HS3ST6: variants seen among roughly 807,000 people sequenced by gnomAD.
HS3ST6 encodes heparan sulfate-glucosamine 3-sulfotransferase 6.
A neutral mutation model predicts 11.0 loss-of-function variants in HS3ST6; 13 were observed. The ratio of observed to expected loss-of-function variants is 1.18; its 90% CI spans 0.77 to 1.88. The LOEUF is 1.88. Ranked by LOEUF, HS3ST6 falls within the 40% of genes most tolerant of loss-of-function variation. The pLI is 0.00. For missense variants in HS3ST6, 541 were observed against 494.4 expected (o/e 1.09, Z -0.89); for synonymous variants, 232 against 230.6 (o/e 1.01, Z -0.06).
chr16:1,918,156 G>A lies in HS3ST6; in HGVS notation c.168C>T (p.Arg56=). Residue 56 remains arginine, a synonymous_variant, in exon 1 of 2, where the codon CGC becomes CGT. Transcript: ENST00000454677. This position sits in a 1 kb window ranked among gnomAD's most constrained non-coding sequence, Gnocchi z 6.0. ...AGGGCGCGGGGGCCGGCGCGGGGGCGCGGGCGGCCGGCGGGCAGCGGCCGG... is the reference window on the plus strand; with the variant it reads ...AGGGCGCGGGGGCCGGCGCGGGGGCACGGGCGGCCGGCGGGCAGCGGCCGG... ...ALPGRCPPAA[R]APAPAPAPSE... 1.7e-6 allele frequency: 2 copies of A among 1,155,448 alleles called. No homozygotes were observed. The highest frequency in any genetic ancestry group is 3.6e-4 in the Middle Eastern group (1 of 2,802). The allele number at this position is 1,155,448 out of a possible 1,614,324, so 71.6% of individuals were successfully genotyped here. A position where few individuals can be genotyped will look rare whatever the true frequency, so the allele number is the denominator to read the frequency against.
chr16:1,912,137 C>G lies in HS3ST6; in HGVS notation c.482G>C (p.Arg161Pro). 6.7e-7 allele frequency: 1 copy of G among 1,491,562 alleles called. No individual in the cohort carries two copies. Among genetic ancestry groups the G allele is most frequent in the Non-Finnish European group, 8.9e-7 (1 of 1,122,018 alleles). 92.4% of individuals were successfully genotyped at this position (1,491,562 alleles called of 1,614,324 possible). A position where few individuals can be genotyped will look rare whatever the true frequency, so the allele number is the denominator to read the frequency against. The change falls in exon 2 of 2, where the codon CGA (arginine) becomes CCA (proline). Residue 161 changes from arginine (R) to proline (P), a missense_variant. Coordinates refer to ENST00000454677, the MANE Select transcript of HS3ST6 (RefSeq NM_001009606.4). The surrounding 1 kb of genome is among the most constrained non-coding windows in gnomAD (Gnocchi z 5.6). ...GGCGTGGATGCGGCGGGGGGCCTCT[C>G]GCGTCACGAAGTAGCTGGGGGTCTT... The part of the protein sequence containing the change: ...MEKTPSYFVT[R>P]EAPRRIHAMS...
At position 1,911,776 on chromosome 16, in the gene HS3ST6, G is replaced by A. The variant is rs1397566285; in HGVS notation, c.843C>T (p.Asn281=). The A allele has an allele frequency of 5.0e-6, 8 of 1,613,736 alleles. No homozygotes were observed. Among genetic ancestry groups the A allele is most frequent in the South Asian group, 1.1e-5 (1 of 91,088 alleles). The change falls in exon 2 of 2, where the codon AAC becomes AAT. Residue 281 remains asparagine, a synonymous_variant. Transcript: ENST00000454677. ...TGAGGCAGGGGAAGCCCTTGGTGGCGTTGAAGTAGAAGTGCTTGTCCGTGA... is the reference window on the plus strand; with the variant it reads ...TGAGGCAGGGGAAGCCCTTGGTGGCATTGAAGTAGAAGTGCTTGTCCGTGA... ...RVVTDKHFYF[N]ATKGFPCLKK...
chr16:1,912,659 T>C lies in HS3ST6; in HGVS notation c.414-454A>G, dbSNP rs1258018107. 6.6e-6 allele frequency among the ~76,000 whole-genome samples: 1 copy of C among 152,038 alleles called. No individual in the cohort carries two copies. Among genetic ancestry groups the C allele is most frequent in the African/African-American group, 2.4e-5 (1 of 41,400 alleles). On this transcript the variant is annotated intron_variant, in intron 1 of 1. Transcript: ENST00000454677. The surrounding 1 kb of genome is among the most constrained non-coding windows in gnomAD (Gnocchi z 5.6). ...CCCGAGGCCCGCCCGCCTAGATCAC[T>C]TGAGGTCACCCGTTCACTCAGTGGC...
upstream of HS3ST6, among the ~76,000 whole-genome samples, chr16:1,920,441 C>T (rs879540153): frequency 0.02 from 2,932 of 149,516 alleles, 50 homozygotes; most frequent in Non-Finnish European, 0.031. Context: ...ACGGTCTCAG[C>T]CGTCCCCACA....
At chr16:1,913,692 C>T (rs2082907787) in intron 1 of HS3ST6, among the ~76,000 whole-genome samples, 1 of 152,192 alleles carries the variant, frequency 6.6e-6, no homozygotes, top group Non-Finnish European at 1.5e-5. Context: ...GGACCGGCCC[C>T]TGCCAGGAGG....
chr16:1,912,980 C>CG lies in HS3ST6; in HGVS notation c.414-776dup, dbSNP rs1281329476. 6.6e-6 allele frequency among the ~76,000 whole-genome samples: 1 copy of CG among 152,032 alleles called. No individual in the cohort carries two copies. The highest frequency in any genetic ancestry group is 2.4e-5 in the African/African-American group (1 of 41,410). The stretch of plus-strand genomic sequence containing the variant: ...CTAATTTTTGTATTTTTAGTAGAGA[C>CG]GGGGTTTCGCCATGTTGGCCAGGCT... On this transcript the variant is annotated intron_variant, in intron 1 of 1. Coordinates refer to ENST00000454677, the MANE Select transcript of HS3ST6 (RefSeq NM_001009606.4). The surrounding 1 kb of genome is among the most constrained non-coding windows in gnomAD (Gnocchi z 5.6).
chr16:1,913,001 A>T (rs2082901529), intron 1 of HS3ST6, among the ~76,000 whole-genome samples: 1 of 152,142 alleles, frequency 6.6e-6, no homozygotes. Context: ...CATGTTGGCC[A>T]GGCTGGTCTC....
chr16:1,917,873 G>A (rs1464765567), intron 1 of HS3ST6, 38 bp downstream of exon 1: 9 of 1,326,720 alleles, frequency 6.8e-6, no homozygotes, highest in Non-Finnish European at 8.8e-6. Flanking sequence ...CCCTCCCCAG[G>A]AAGGCGCCGG....
upstream of HS3ST6, among the ~76,000 whole-genome samples, chr16:1,918,939 G>T (rs1284771636): frequency 6.6e-6 from 1 of 152,176 alleles, no homozygotes; most frequent in East Asian, 1.9e-4. This position sits in a 1 kb window ranked among gnomAD's most constrained non-coding sequence, Gnocchi z 6.0. Flanking sequence ...CAGAACGTGT[G>T]GGGGGAGTCT....
upstream of HS3ST6, among the ~76,000 whole-genome samples, chr16:1,920,316 A>C (rs374804018): frequency 3.0e-3 from 444 of 146,046 alleles, 11 homozygotes; most frequent in Middle Eastern, 0.05. Context: ...CCACGGTCTC[A>C]GGAGTCCCCA....
At position 1,912,717 on chromosome 16, in the gene HS3ST6, T is replaced by G. The variant is rs2082899434; in HGVS notation, c.414-512A>C. On this transcript the variant is annotated intron_variant, in intron 1 of 1. Coordinates refer to ENST00000454677, the MANE Select transcript of HS3ST6 (RefSeq NM_001009606.4). The surrounding 1 kb of genome is among the most constrained non-coding windows in gnomAD (Gnocchi z 5.6). Reference sequence around the variant, plus strand: ...ATCCCCTAAATCAGCCCTTCACCAATTATTGACAGTGTGTCCTCAACCAAA... The same window carrying G: ...ATCCCCTAAATCAGCCCTTCACCAAGTATTGACAGTGTGTCCTCAACCAAA... Among the ~76,000 whole-genome samples the G allele has an allele frequency of 6.6e-6, 1 of 151,806 alleles. No homozygotes were observed. The highest frequency in any genetic ancestry group is 3.2e-3 in the Middle Eastern group (1 of 314).
chr16:1,918,740 G>A (rs1037923627), upstream of HS3ST6, among the ~76,000 whole-genome samples: 2 of 152,128 alleles, frequency 1.3e-5, no homozygotes, highest in Non-Finnish European at 2.9e-5. The surrounding 1 kb of genome is among the most constrained non-coding windows in gnomAD (Gnocchi z 6.0). Flanking sequence ...TCTGTTTGAA[G>A]ACCGATCCCC....
Position 1,911,803 on chromosome 16 carries a change from G to T in HS3ST6, c.816C>A (p.Val272=). The change falls in exon 2 of 2, where the codon GTC becomes GTA. Residue 272 remains valine, a synonymous_variant. Coordinates refer to ENST00000454677, the MANE Select transcript of HS3ST6 (RefSeq NM_001009606.4). ...TGAAGTAGAAGTGCTTGTCCGTGAC[G>T]ACCCGTTTCAGGCCCAGGAAGTCCT... is the stretch of plus-strand genomic sequence containing the variant. The part of the protein sequence containing the change: ...RVQDFLGLKR[V]VTDKHFYFNA... The T allele has an allele frequency of 6.2e-7, 1 of 1,613,868 alleles. No individual in the cohort carries two copies. Among genetic ancestry groups the T allele is most frequent in the Non-Finnish European group, 8.5e-7 (1 of 1,179,832 alleles).
At chr16:1,917,768 G>A in intron 1 of HS3ST6, 143 bp downstream of exon 1, 1 of 506,286 alleles carries the variant, frequency 2.0e-6, no homozygotes, top group South Asian at 6.4e-5. Flanking sequence ...CAAGCCTGGG[G>A]CCCCCACAGG....
chr16:1,911,562 A>G lies in HS3ST6; in HGVS notation c.*28T>C. ...CTGGCCAGGCGAGCGGGTGTCAATC[A>G]AGGTGCTGAGCATCCCCAGGGTGCC... is the stretch of plus-strand genomic sequence containing the variant. On this transcript the variant is annotated 3_prime_UTR_variant, in exon 2 of 2. Coordinates refer to ENST00000454677, the MANE Select transcript of HS3ST6 (RefSeq NM_001009606.4). 1 of 1,557,792 alleles carries G rather than the reference A, an allele frequency of 6.4e-7. No homozygotes were observed. Among genetic ancestry groups the G allele is most frequent in the Non-Finnish European group, 8.7e-7 (1 of 1,152,402 alleles).
chr16:1,916,754 C>T (rs1267473474), intron 1 of HS3ST6, among the ~76,000 whole-genome samples: 1 of 149,860 alleles, frequency 6.7e-6, no homozygotes, highest in Non-Finnish European at 1.5e-5. Flanking sequence ...CCTCTCCCCT[C>T]CTCCCCCGTC....
upstream of HS3ST6, among the ~76,000 whole-genome samples, chr16:1,919,486 C>T (rs907819058): frequency 6.6e-6 from 1 of 152,228 alleles, no homozygotes; most frequent in East Asian, 1.9e-4. Flanking sequence ...AGACCCGGGT[C>T]CTCTCTCCAC....
At chr16:1,920,017 C>T (rs1483514289), upstream of HS3ST6, among the ~76,000 whole-genome samples, 2 of 152,138 alleles carry the variant, frequency 1.3e-5, no homozygotes, top group African/African-American at 2.4e-5. Context: ...TCTCAGCAGT[C>T]CCCACGGTCT....
At chr16:1,915,886 C>T (rs1050104668) in intron 1 of HS3ST6, among the ~76,000 whole-genome samples, 4 of 148,314 alleles carry the variant, frequency 2.7e-5, no homozygotes, top group Admixed American at 6.7e-5. Flanking sequence ...GCCGGGTCAC[C>T]GCCTGGAACT....
Sources: allele counts gnomAD v4.1 joint callset (sites outside exome capture counted in the v4.1 genomes callset), GRCh38; gene constraint gnomAD v4.1.1; non-coding constraint Gnocchi (gnomAD v3.1); transcripts MANE v1.5; gene names NCBI Gene and HGNC (gene_info 2026-07-23, HGNC 2026-07-21).